Variants in BCL2 observed in about 807,000 individuals in gnomAD.
BCL2 encodes the protein BCL2 apoptosis regulator.
A neutral mutation model predicts 14.2 loss-of-function variants in BCL2; 1 was observed. The ratio of observed to expected loss-of-function variants is 0.07; its 90% CI spans 0.02 to 0.33. The LOEUF is 0.33. Among genes scored for constraint, BCL2 ranks in the 10% least tolerant of loss-of-function variants. BCL2 has a pLI of 0.99. For synonymous variants in BCL2, 151 were observed against 137.2 expected, an observed-to-expected ratio of 1.10 and a Z score of -0.70; for missense variants, 247 against 305.9, an observed-to-expected ratio of 0.81 and a Z score of 1.44.
chr18:63,277,913 CA>C (rs1257077337), intron 2 of BCL2, among the ~76,000 whole-genome samples: 1 of 152,198 alleles, frequency 6.6e-6, no homozygotes, highest in Non-Finnish European at 1.5e-5. Flanking sequence ...GGCCCCTGCC[CA>C]TCCTCCCAAC....
intron 2 of BCL2, among the ~76,000 whole-genome samples, chr18:63,129,807 G>T (rs1281983201): frequency 6.6e-6 from 1 of 152,158 alleles, no homozygotes; most frequent in Non-Finnish European, 1.5e-5. Flanking sequence ...GCCAAGGGCG[G>T]CCTTGACTGG....
At chr18:63,145,807 A>C (rs576478476) in intron 2 of BCL2, among the ~76,000 whole-genome samples, 1 of 152,332 alleles carries the variant, frequency 6.6e-6, no homozygotes, top group African/African-American at 2.4e-5. Context: ...CAAACAAAAA[A>C]GCAGAATCAC....
chr18:63,263,288 G>A (rs8084922), intron 2 of BCL2, among the ~76,000 whole-genome samples: 1 of 151,976 alleles, frequency 6.6e-6, no homozygotes, highest in Non-Finnish European at 1.5e-5. Context: ...AAAAATTAAC[G>A]CTTTGGGCTC....
chr18:63,292,503 G>A (rs1460244184), intron 2 of BCL2, among the ~76,000 whole-genome samples: 1 of 152,158 alleles, frequency 6.6e-6, no homozygotes, highest in Non-Finnish European at 1.5e-5. Flanking sequence ...GCACTCACAC[G>A]TACCATGCTA....
chr18:63,304,666 T>C (rs1420755334), intron 2 of BCL2, among the ~76,000 whole-genome samples: 1 of 152,178 alleles, frequency 6.6e-6, no homozygotes, highest in Non-Finnish European at 1.5e-5. Context: ...TTGGATGTTG[T>C]TATACAGATT....
rs573110488 is a variant in BCL2 at position 63,252,439 on chromosome 18, C to T, written c.585+65643G>A. 3.3e-5 allele frequency among the ~76,000 whole-genome samples: 5 copies of T among 152,272 alleles called. No individual in the cohort carries two copies. In the South Asian group the frequency reaches 1.0e-3, roughly 32 times the overall value. ...CTATTGATACGGTTTGGCTGTGTCC[C>T]CACCCAAATCTCATCTTGAGTTGTA... On this transcript the variant is annotated intron_variant, in intron 2 of 2. Coordinates refer to ENST00000333681, the MANE Select transcript of BCL2 (RefSeq NM_000633.3).
chr18:63,131,633 C>T (rs1226083927), intron 2 of BCL2, among the ~76,000 whole-genome samples: 1 of 152,196 alleles, frequency 6.6e-6, no homozygotes, highest in Non-Finnish European at 1.5e-5. Context: ...CTGAAACCCC[C>T]AATAGCCCAG....
Position 63,169,296 on chromosome 18 carries a change from CTTT to C in BCL2, c.586-40540_586-40538del, listed in dbSNP as rs1915138654. 1.2e-4 allele frequency among the ~76,000 whole-genome samples: 10 copies of C among 84,378 alleles called. No homozygotes were observed. In the South Asian group the frequency reaches 1.4e-3, roughly 12 times the overall value. 55.4% of individuals were successfully genotyped at this position (84,378 alleles called of 152,430 possible). A position where few individuals can be genotyped will look rare whatever the true frequency, so the allele number is the denominator to read the frequency against. ...TCTTTCTTTCTTTCTTTCTTTCTTTCTTTCTTTCTTTCTTCCTTCCTTCCTTCT... is the reference window on the plus strand; with the variant it reads ...TCTTTCTTTCTTTCTTTCTTTCTTTCCTTTCTTTCTTCCTTCCTTCCTTCT... On this transcript the variant is annotated intron_variant, in intron 2 of 2. Coordinates refer to ENST00000333681, the MANE Select transcript of BCL2 (RefSeq NM_000633.3).
intron 2 of BCL2, among the ~76,000 whole-genome samples, chr18:63,141,749 C>T (rs149819166): frequency 1.8e-3 from 276 of 152,378 alleles, no homozygotes; most frequent in Middle Eastern, 3.4e-3. Flanking sequence ...CCCCACCCCA[C>T]GCCACTGTCC....
intron 2 of BCL2, among the ~76,000 whole-genome samples, chr18:63,181,070 A>G (rs541611371): frequency 9.8e-5 from 15 of 152,322 alleles, no homozygotes; most frequent in African/African-American, 2.4e-4. Context: ...CCAAATGTAA[A>G]GCTTTCAGGA....
chr18:63,241,939 G>C (rs1911015156), intron 2 of BCL2, among the ~76,000 whole-genome samples: 1 of 152,126 alleles, frequency 6.6e-6, no homozygotes, highest in African/African-American at 2.4e-5. Context: ...TCAATTGCTT[G>C]GTTTGGAACA....
chr18:63,295,186 A>AATT (rs930061989), intron 2 of BCL2, among the ~76,000 whole-genome samples: 6 of 150,882 alleles, frequency 4.0e-5, no homozygotes, highest in Admixed American at 6.6e-5. Flanking sequence ...TAATAGTAAT[A>AATT]ATTATTATTA....
intron 2 of BCL2, among the ~76,000 whole-genome samples, chr18:63,197,161 G>A (rs1438067764): frequency 1.3e-5 from 2 of 152,206 alleles, no homozygotes; most frequent in African/African-American, 2.4e-5. Context: ...ACACATGGGT[G>A]GAAATCGATT....
intron 2 of BCL2, among the ~76,000 whole-genome samples, chr18:63,282,124 T>C (rs1257532434): frequency 6.6e-6 from 1 of 152,226 alleles, no homozygotes; most frequent in Non-Finnish European, 1.5e-5. Context: ...GTGAGCTTAA[T>C]GCTGATCAGG....
intron 2 of BCL2, among the ~76,000 whole-genome samples, chr18:63,264,547 A>C (rs1911760089): frequency 6.6e-6 from 1 of 152,230 alleles, no homozygotes; most frequent in East Asian, 1.9e-4. Flanking sequence ...GAGACAGATA[A>C]AAGCCAGGAA....
At chr18:63,252,317 A>T (rs373018496) in intron 2 of BCL2, among the ~76,000 whole-genome samples, 2 of 152,268 alleles carry the variant, frequency 1.3e-5, no homozygotes, top group Non-Finnish European at 1.5e-5. Flanking sequence ...TTATTTCCTC[A>T]CTTTCTTTGA....
intron 2 of BCL2, among the ~76,000 whole-genome samples, chr18:63,307,905 T>G (rs554066989): frequency 1.6e-3 from 251 of 152,350 alleles, no homozygotes; most frequent in African/African-American, 5.9e-3. Context: ...GACACATTCA[T>G]CTTTTTAAAA....
chr18:63,164,501 T>C (rs1478768127), intron 2 of BCL2, among the ~76,000 whole-genome samples: 10 of 152,188 alleles, frequency 6.6e-5, no homozygotes. Context: ...GTTGCTTAAG[T>C]ACCATGAGGC....
chr18:63,306,874 T>C (rs1913153555), intron 2 of BCL2, among the ~76,000 whole-genome samples: 2 of 150,216 alleles, frequency 1.3e-5, no homozygotes, highest in African/African-American at 4.9e-5. Flanking sequence ...TCAGCTATCA[T>C]TCGTGTTAGC....
Sources: gnomAD v4.1 joint callset for allele counts (sites outside exome capture counted in the v4.1 genomes callset) on GRCh38, gnomAD v4.1.1 for gene constraint, MANE v1.5 for transcripts, NCBI Gene and HGNC (gene_info 2026-07-23, HGNC 2026-07-21) for gene names.